The following AUH variants were observed in gnomAD, a reference collection of about 807,000 sequenced individuals.
AUH encodes methylglutaconyl-CoA hydratase, mitochondrial.
A neutral mutation model predicts 42.3 loss-of-function variants in AUH; 29 were observed. The ratio of observed to expected loss-of-function variants is 0.69; its 90% CI spans 0.51 to 0.93. The LOEUF (loss-of-function observed/expected upper bound fraction) is 0.93. Among genes scored for constraint, AUH ranks in the 40% least tolerant of loss-of-function variants. AUH has a pLI of 0.00. For synonymous variants in AUH, 174 were observed against 166.4 expected (o/e 1.05, Z -0.35); for missense variants, 452 against 438.1 (o/e 1.03, Z -0.28).
intron 3 of AUH, among the ~76,000 whole-genome samples, chr9:91,333,280 AT>A (rs571977399): frequency 1.8e-3 from 272 of 150,134 alleles, no homozygotes; most frequent in African/African-American, 6.1e-3. Context: ...TCTGCTTTCA[AT>A]TTTTTTTTTC....
intron 9 of AUH, 56 bp downstream of exon 9, chr9:91,216,003 A>C (rs1439019845): frequency 6.7e-7 from 1 of 1,497,376 alleles, no homozygotes; most frequent in Non-Finnish European, 9.3e-7. Context: ...ATTATACAGA[A>C]GGTAAATATA....
intron 6 of AUH, among the ~76,000 whole-genome samples, chr9:91,287,525 T>C (rs984648432): frequency 6.6e-6 from 1 of 152,162 alleles, no homozygotes; most frequent in Non-Finnish European, 1.5e-5. Flanking sequence ...TACAGTTCTA[T>C]AACATGTTAA....
intron 6 of AUH, among the ~76,000 whole-genome samples, chr9:91,283,051 C>T (rs994768106): frequency 1.3e-5 from 2 of 152,156 alleles, no homozygotes; most frequent in African/African-American, 2.4e-5. Context: ...AACATCGGTG[C>T]AAAAATCCTC....
At chr9:91,276,246 T>C (rs1230521076) in intron 6 of AUH, among the ~76,000 whole-genome samples, 2 of 152,048 alleles carry the variant, frequency 1.3e-5, no homozygotes, top group Admixed American at 6.6e-5. Flanking sequence ...CTGGCCAACA[T>C]GGTGAAACCC....
intron 3 of AUH, among the ~76,000 whole-genome samples, chr9:91,352,112 C>T (rs1457563765): frequency 6.6e-6 from 1 of 152,042 alleles, no homozygotes; most frequent in Admixed American, 6.6e-5. Context: ...CCCATCTCTA[C>T]TAAAATTACA....
intron 6 of AUH, among the ~76,000 whole-genome samples, chr9:91,229,685 G>T (rs953014921): frequency 1.3e-5 from 2 of 152,004 alleles, no homozygotes; most frequent in African/African-American, 2.4e-5. Context: ...TTTTGCAAGC[G>T]GCTGGTACCA....
chr9:91,355,602 A>T lies in AUH; in HGVS notation c.418+281T>A, dbSNP rs1488139130. Among the ~76,000 whole-genome samples the T allele has an allele frequency of 2.0e-5, 3 of 152,270 alleles. No homozygotes were observed. The South Asian group carries it at 6.2e-4, about 32-fold the overall frequency. On this transcript the variant is annotated intron_variant, in intron 3 of 9. Coordinates refer to ENST00000375731, the MANE Select transcript of AUH (RefSeq NM_001698.3). ...AGAATATTGGCCACAATTAAGACAC[A>T]ACAAACAACATTGTACTACATGTAC... is the stretch of plus-strand genomic sequence containing the variant.
chr9:91,252,669 G>C (rs898792578), intron 6 of AUH, among the ~76,000 whole-genome samples: 20 of 152,180 alleles, frequency 1.3e-4, no homozygotes, highest in African/African-American at 3.9e-4. Flanking sequence ...ATTAGAAATA[G>C]ACAGCAAAAG....
intron 6 of AUH, among the ~76,000 whole-genome samples, chr9:91,234,705 G>A (rs750799569): frequency 1.3e-5 from 2 of 151,440 alleles, no homozygotes; most frequent in Non-Finnish European, 1.5e-5. Context: ...TGAACCCACA[G>A]TGCTGAGTAA....
chr9:91,217,838 A>T (rs1015538622), intron 7 of AUH, among the ~76,000 whole-genome samples: 3 of 152,202 alleles, frequency 2.0e-5, no homozygotes, highest in Non-Finnish European at 4.4e-5. Context: ...AGTGTCCTCT[A>T]AGCAGTGCTC....
At chr9:91,326,702 G>C (rs1370011552) in intron 3 of AUH, among the ~76,000 whole-genome samples, 1 of 152,166 alleles carries the variant, frequency 6.6e-6, no homozygotes, top group Admixed American at 6.5e-5. Flanking sequence ...GACTGGCAAT[G>C]GGTACACAGA....
intron 3 of AUH, among the ~76,000 whole-genome samples, chr9:91,354,581 T>C (rs575169409): frequency 2.6e-5 from 4 of 152,300 alleles, no homozygotes; most frequent in African/African-American, 7.2e-5. Context: ...CAAAAGAATA[T>C]GTAAAATAAA....
intron 3 of AUH, among the ~76,000 whole-genome samples, chr9:91,347,254 G>A (rs1027915471): frequency 2.0e-5 from 3 of 148,912 alleles, no homozygotes; most frequent in Non-Finnish European, 4.4e-5. Context: ...TGGTAGAGAT[G>A]GGGTTTTGCC....
rs1395254379 is a variant in AUH, at chr9:91,231,838, A to C, written c.656-10846T>G. Reference sequence around the variant, plus strand: ...GGATTACGACATCAGCAAGTAACACATTCCCAGGACACTCCTGCAGATACT... The same window carrying C: ...GGATTACGACATCAGCAAGTAACACCTTCCCAGGACACTCCTGCAGATACT... On this transcript the variant is annotated intron_variant, in intron 6 of 9. Coordinates refer to ENST00000375731, the MANE Select transcript of AUH (RefSeq NM_001698.3). Among the ~76,000 whole-genome samples the C allele has an allele frequency of 2.0e-5, 3 of 152,176 alleles. No individual in the cohort carries two copies. The South Asian group carries it at 6.2e-4, about 32-fold the overall frequency.
intron 6 of AUH, among the ~76,000 whole-genome samples, chr9:91,226,551 T>C (rs1334734900): frequency 6.7e-6 from 1 of 148,452 alleles, no homozygotes; most frequent in Non-Finnish European, 1.5e-5. Context: ...AGCTCTTTAG[T>C]TTAATTAGAT....
chr9:91,252,867 C>CA (rs1829213135), intron 6 of AUH, among the ~76,000 whole-genome samples: 1 of 152,184 alleles, frequency 6.6e-6, no homozygotes, highest in South Asian at 2.1e-4. Flanking sequence ...GGACCATAAT[C>CA]ACATATGATA....
intron 4 of AUH, among the ~76,000 whole-genome samples, chr9:91,315,186 G>A (rs868564190): frequency 2.0e-5 from 3 of 152,110 alleles, no homozygotes; most frequent in South Asian, 2.1e-4. Flanking sequence ...TGATCTGCCC[G>A]CCTTGGCCTC....
At chr9:91,260,321 A>G (rs1829643738) in intron 6 of AUH, among the ~76,000 whole-genome samples, 1 of 152,204 alleles carries the variant, frequency 6.6e-6, no homozygotes, top group Non-Finnish European at 1.5e-5. Context: ...TACAAAATTT[A>G]CATTTAATGT....
intron 3 of AUH, among the ~76,000 whole-genome samples, chr9:91,348,270 G>A (rs774005946): frequency 5.3e-5 from 8 of 152,140 alleles, no homozygotes; most frequent in Non-Finnish European, 8.8e-5. Flanking sequence ...ATCAAGTGTT[G>A]GTAAGCATGT....
Sources: gnomAD v4.1 joint callset for allele counts (sites outside exome capture counted in the v4.1 genomes callset) on GRCh38, gnomAD v4.1.1 for gene constraint, MANE v1.5 for transcripts, NCBI Gene and HGNC (gene_info 2026-07-23, HGNC 2026-07-21) for gene names.